The following VSX2 variants were observed in gnomAD, a reference collection of about 807,000 sequenced individuals.
VSX2 encodes visual system homeobox 2.
Under a neutral mutation model 32.1 loss-of-function variants are expected in VSX2, and 28 were observed. The ratio of observed to expected loss-of-function variants is 0.87; its 90% confidence interval spans 0.65 to 1.20. VSX2 has a LOEUF of 1.20. Ranked by LOEUF, VSX2 falls within the 50% of genes most tolerant of loss-of-function variation. The pLI is 0.00. For synonymous variants in VSX2, 243 were observed against 214.1 expected, an observed-to-expected ratio of 1.14 and a Z score of -1.18; for missense variants, 506 against 488.7, an observed-to-expected ratio of 1.04 and a Z score of -0.33.
intron 3 of VSX2, among the ~76,000 whole-genome samples, chr14:74,248,883 G>A (rs2079212184): frequency 6.6e-6 from 1 of 152,222 alleles, no homozygotes; most frequent in Non-Finnish European, 1.5e-5. Context: ...CTTCCAGGGA[G>A]GTGCCTCCTG....
At chr14:74,244,970 G>A (rs965016342) in intron 2 of VSX2, among the ~76,000 whole-genome samples, 195 bp from the exon 3 acceptor site, 1 of 107,028 alleles carries the variant, frequency 9.3e-6, no homozygotes, top group Admixed American at 9.6e-5. Context: ...GTGTGTGTGT[G>A]TGTGTGTGTG....
At chr14:74,241,304 C>A in intron 2 of VSX2, 38 bp downstream of exon 2, 1 of 1,595,686 alleles carries the variant, frequency 6.3e-7, no homozygotes, top group Non-Finnish European at 8.6e-7. Context: ...CCTGCCCGCG[C>A]ACCCCGCTGC....
In VSX2 at chr14:74,257,711, C is replaced by CG. The variant is rs1341343407; in HGVS notation, c.580-1891_580-1890insG. Among the ~76,000 whole-genome samples, 26 of 149,366 alleles carry CG rather than the reference C, an allele frequency of 1.7e-4. 1 individual carries two copies. The highest frequency in any genetic ancestry group is 2.4e-4 in the Non-Finnish European group (16 of 67,278). On this transcript the variant is annotated intron_variant, in intron 3 of 4. Coordinates refer to ENST00000261980, the MANE Select transcript of VSX2 (RefSeq NM_182894.3). Reference sequence around the variant, plus strand: ...GGAACCGCAGGAGCGCGCGGACCACCCCCCACCCACTTCCCCCGAGCCCCG... The same window carrying CG: ...GGAACCGCAGGAGCGCGCGGACCACCGCCCCACCCACTTCCCCCGAGCCCCG...
chr14:74,250,408 A>AT (rs948467757), intron 3 of VSX2, among the ~76,000 whole-genome samples: 3 of 151,402 alleles, frequency 2.0e-5, no homozygotes, highest in Admixed American at 6.6e-5. Context: ...TCATGTGTTT[A>AT]TTTTTTTTTC....
intron 3 of VSX2, among the ~76,000 whole-genome samples, chr14:74,252,105 C>T (rs529807705): frequency 1.9e-4 from 29 of 152,316 alleles, no homozygotes; most frequent in Non-Finnish European, 3.1e-4. Context: ...TTTCTGGTGG[C>T]GATGCCAGGG....
rs1285917131 is a variant in VSX2, at chr14:74,239,847, G to A, written c.286G>A (p.Val96Met). ...CTACACGCAGCCCACCTTCCTGGAAGTGCTGTCCGACCCGCAGAGCGTCCA... is the reference window on the plus strand; with the variant it reads ...CTACACGCAGCCCACCTTCCTGGAAATGCTGTCCGACCCGCAGAGCGTCCA... The part of the protein sequence containing the change: ...GFYTQPTFLE[V>M]LSDPQSVHLQ... Residue 96 changes from valine to methionine, a missense_variant, in exon 1 of 5, where the codon GTG becomes ATG. Transcript: ENST00000261980. The A allele has an allele frequency of 1.3e-6, 2 of 1,578,612 alleles. No homozygotes were observed. Among genetic ancestry groups the A allele is most frequent in the African/African-American group, 2.7e-5 (2 of 74,440 alleles).
intron 3 of VSX2, among the ~76,000 whole-genome samples, chr14:74,247,800 T>TAAA (rs34470396): frequency 1.4e-5 from 2 of 145,518 alleles, no homozygotes; most frequent in Non-Finnish European, 1.5e-5. Context: ...AGGCACTGTT[T>TAAA]AAAAAAAAAA....
rs1432872659 is a variant in VSX2 at position 74,260,681 on chromosome 14, T to C, written c.848T>C (p.Met283Thr). The C allele has an allele frequency of 7.5e-6, 12 of 1,599,354 alleles. No individual in the cohort carries two copies. Among genetic ancestry groups the C allele is most frequent in the Non-Finnish European group, 9.4e-6 (11 of 1,173,806 alleles). The change falls in exon 5 of 5, where the codon ATG (methionine) becomes ACG (threonine). Residue 283 changes from methionine to threonine, a missense_variant. Physicochemically the swap from Met to Thr is moderately conservative, Grantham distance 81. Transcript: ENST00000261980. ...CAGGCCCTGCCCAAGCTCGACAAGA[T>C]GGAGCAGGACGAGCGGGGCCCCGAC... is the stretch of plus-strand genomic sequence containing the variant. ...ERQALPKLDK[M>T]EQDERGPDAQ...
At chr14:74,241,863 G>A (rs2079152279) in intron 2 of VSX2, among the ~76,000 whole-genome samples, 1 of 152,222 alleles carries the variant, frequency 6.6e-6, no homozygotes, top group Admixed American at 6.5e-5. Flanking sequence ...AAATGGAGTG[G>A]TAGGCGATGT....
chr14:74,247,302 G>A (rs554080451), intron 3 of VSX2, among the ~76,000 whole-genome samples: 1 of 152,320 alleles, frequency 6.6e-6, no homozygotes, highest in Admixed American at 6.5e-5. Context: ...ACACAGGACA[G>A]GCAGGGTGGT....
At chr14:74,246,550 C>A (rs1268351463) in intron 3 of VSX2, among the ~76,000 whole-genome samples, 1 of 152,186 alleles carries the variant, frequency 6.6e-6, no homozygotes, top group Non-Finnish European at 1.5e-5. Context: ...GACCCATTAC[C>A]CTCCACCCAA....
At chr14:74,249,301 C>T (rs2079214874) in intron 3 of VSX2, among the ~76,000 whole-genome samples, 1 of 152,132 alleles carries the variant, frequency 6.6e-6, no homozygotes, top group African/African-American at 2.4e-5. Context: ...GACAGGGTCT[C>T]ACTGTGTCAC....
At chr14:74,255,809 A>G (rs1294313676) in intron 3 of VSX2, among the ~76,000 whole-genome samples, 1 of 152,178 alleles carries the variant, frequency 6.6e-6, no homozygotes, top group Non-Finnish European at 1.5e-5. Flanking sequence ...AGAAACCCTA[A>G]GTCCAAACTG....
At chr14:74,255,945 G>T (rs1218750204) in intron 3 of VSX2, among the ~76,000 whole-genome samples, 1 of 152,192 alleles carries the variant, frequency 6.6e-6, no homozygotes, top group Non-Finnish European at 1.5e-5. Flanking sequence ...GCTTTGCTGA[G>T]AAATCGAAGC....
chr14:74,239,847 G>C lies in VSX2; in HGVS notation c.286G>C (p.Val96Leu). ...GFYTQPTFLE[V>L]LSDPQSVHLQ... ...CTACACGCAGCCCACCTTCCTGGAA[G>C]TGCTGTCCGACCCGCAGAGCGTCCA... Residue 96 changes from valine (V) to leucine (L), a missense_variant, in exon 1 of 5, where the codon GTG becomes CTG. By Grantham distance (32) the Val-to-Leu change is conservative. Transcript: ENST00000261980. 1.3e-6 allele frequency: 2 copies of C among 1,578,730 alleles called. No individual in the cohort carries two copies. Among genetic ancestry groups the C allele is most frequent in the Non-Finnish European group, 1.7e-6 (2 of 1,163,800 alleles).
At chr14:74,250,666 A>T (rs1170202429) in intron 3 of VSX2, among the ~76,000 whole-genome samples, 1 of 151,750 alleles carries the variant, frequency 6.6e-6, no homozygotes, top group African/African-American at 2.4e-5. Flanking sequence ...GTTTGTACAG[A>T]TCTCATCTCA....
At chr14:74,244,950 G>GAGAGAA (rs1317593925) in intron 2 of VSX2, among the ~76,000 whole-genome samples, 6 of 50,644 alleles carry the variant, frequency 1.2e-4, no homozygotes, top group Admixed American at 3.5e-4. Flanking sequence ...GAGAAAGTGT[G>GAGAGAA]TGTGTGTGTG....
chr14:74,241,134 C>T, intron 1 of VSX2, 48 bp from the exon 2 acceptor site: 1 of 1,591,454 alleles, frequency 6.3e-7, no homozygotes, highest in South Asian at 1.1e-5. Flanking sequence ...TCGGGCACAG[C>T]GGAGCGCGTC....
At position 74,256,684 on chromosome 14, in the gene VSX2, T is replaced by C. The variant is rs1311108478; in HGVS notation, c.580-2918T>C. On this transcript the variant is annotated intron_variant, in intron 3 of 4. Transcript: ENST00000261980. ...GGGAGTCATACTTTTTTTTTTTTTT[T>C]TTTTTTTGAGACAGAGTCTTGCTCT... is the stretch of plus-strand genomic sequence containing the variant. Among the ~76,000 whole-genome samples the C allele has an allele frequency of 2.7e-5, 4 of 148,466 alleles. 1 individual carries two copies. In the South Asian group the frequency reaches 8.8e-4, roughly 33 times the overall value.
Sources: allele counts gnomAD v4.1 joint callset (sites outside exome capture counted in the v4.1 genomes callset), GRCh38; gene constraint gnomAD v4.1.1; transcripts MANE v1.5; gene names NCBI Gene and HGNC (gene_info 2026-07-23, HGNC 2026-07-21).